The following SEMA6D variants were observed in gnomAD, a reference collection of about 807,000 sequenced individuals.
The protein encoded by SEMA6D is semaphorin 6D.
A neutral mutation model predicts 106.6 loss-of-function variants in SEMA6D; 35 were observed. That is an observed-to-expected ratio of 0.33 (90% CI 0.25 to 0.44). The LOEUF (loss-of-function observed/expected upper bound fraction) is 0.44, where lower values mean the gene tolerates loss of function less well. Ranked by LOEUF, SEMA6D falls within the 20% of genes least tolerant of loss-of-function variation. SEMA6D has a pLI of 1.00. For missense variants in SEMA6D, 1,185 were observed against 1,345.9 expected, an observed-to-expected ratio of 0.88 and a Z score of 1.87; for synonymous variants, 499 against 487.7, an observed-to-expected ratio of 1.02 and a Z score of -0.31.
intron 4 of SEMA6D, among the ~76,000 whole-genome samples, chr15:47,689,029 T>C (rs2078529549): frequency 6.6e-6 from 1 of 152,268 alleles, no homozygotes; most frequent in African/African-American, 2.4e-5. Flanking sequence ...GATTTAATAT[T>C]CCTCAAAGAT....
At chr15:47,337,931 C>A (rs141412937) in intron 1 of SEMA6D, among the ~76,000 whole-genome samples, 1 of 152,122 alleles carries the variant, frequency 6.6e-6, no homozygotes, top group Non-Finnish European at 1.5e-5. Flanking sequence ...TTTCCTTCCC[C>A]CAGAACTCCT....
chr15:47,311,383 T>A (rs372732957), intron 1 of SEMA6D, among the ~76,000 whole-genome samples: 6 of 152,258 alleles, frequency 3.9e-5, no homozygotes, highest in African/African-American at 1.4e-4. Flanking sequence ...TACCCTTATT[T>A]GTCAAGTGTT....
At chr15:47,647,749 C>G (rs1182376381) in intron 4 of SEMA6D, among the ~76,000 whole-genome samples, 1 of 150,028 alleles carries the variant, frequency 6.7e-6, no homozygotes, top group Non-Finnish European at 1.5e-5. Flanking sequence ...GCACTAACAG[C>G]CTTATTGGAA....
intron 1 of SEMA6D, among the ~76,000 whole-genome samples, chr15:47,720,364 G>C (rs2079355927): frequency 7.2e-6 from 1 of 139,824 alleles, no homozygotes; most frequent in Admixed American, 7.9e-5. Context: ...ACTTGAGTTT[G>C]ATTTAGATTT....
chr15:47,644,824 G>A (rs918323142), intron 4 of SEMA6D, among the ~76,000 whole-genome samples: 1 of 152,152 alleles, frequency 6.6e-6, no homozygotes, highest in African/African-American at 2.4e-5. Flanking sequence ...TTATACTGGC[G>A]GGTCTTAGAG....
In SEMA6D at chr15:47,297,787, G is replaced by A. The variant is rs537191812; in HGVS notation, c.-239+113369G>A. Among the ~76,000 whole-genome samples the A allele has an allele frequency of 7.0e-4, 107 of 152,270 alleles. 4 individuals are homozygous for A. In the South Asian group the frequency reaches 0.021, roughly 30 times the overall value. ...GTTCCTTTGTGTGATCAAGGGAGCT[G>A]CTCTATGAAGGGGTCATTTAAGGTG... On this transcript the variant is annotated intron_variant, in intron 1 of 19. Transcript: ENST00000558014.
chr15:47,193,341 ACACT>A (rs1305518470), intron 1 of SEMA6D, among the ~76,000 whole-genome samples: 2 of 152,222 alleles, frequency 1.3e-5, no homozygotes, highest in Non-Finnish European at 2.9e-5. Flanking sequence ...CACAGACATG[ACACT>A]CACAGGAAAT....
intron 1 of SEMA6D, among the ~76,000 whole-genome samples, chr15:47,254,875 T>TGTGTGTGTGTG (rs375376803): frequency 2.7e-4 from 36 of 134,306 alleles, no homozygotes; most frequent in Non-Finnish European, 5.1e-4. Flanking sequence ...ACCTGTGGTT[T>TGTGTGTGTGTG]TGTGTGTGTG....
intron 1 of SEMA6D, among the ~76,000 whole-genome samples, chr15:47,361,961 A>G (rs1273316312): frequency 6.6e-6 from 1 of 152,264 alleles, no homozygotes; most frequent in African/African-American, 2.4e-5. Flanking sequence ...TAATAGAATT[A>G]CCAAGATTTA....
chr15:47,744,432 C>G (rs2081000858), intron 1 of SEMA6D, among the ~76,000 whole-genome samples: 1 of 152,114 alleles, frequency 6.6e-6, no homozygotes, highest in Admixed American at 6.5e-5. Context: ...AACTGAGCTT[C>G]CCACAGCACA....
At chr15:47,413,815 C>T (rs1229351839) in intron 2 of SEMA6D, among the ~76,000 whole-genome samples, 3 of 152,118 alleles carry the variant, frequency 2.0e-5, no homozygotes, top group Admixed American at 6.6e-5. Flanking sequence ...TCTTAGTCCC[C>T]ATTTTCATGT....
chr15:47,696,180 A>C (rs1387435723), intron 4 of SEMA6D, among the ~76,000 whole-genome samples: 2 of 152,156 alleles, frequency 1.3e-5, no homozygotes, highest in Non-Finnish European at 1.5e-5. Flanking sequence ...TTAGGGACTG[A>C]AAAACTCGTT....
chr15:47,217,283 AT>A (rs764864442), intron 1 of SEMA6D, among the ~76,000 whole-genome samples: 1 of 152,180 alleles, frequency 6.6e-6, no homozygotes, highest in African/African-American at 2.4e-5. Flanking sequence ...ATTAATCAAT[AT>A]TTTAAATTTG....
chr15:47,204,307 T>G (rs932478535), intron 1 of SEMA6D, among the ~76,000 whole-genome samples: 6 of 152,186 alleles, frequency 3.9e-5, no homozygotes, highest in African/African-American at 1.4e-4. Flanking sequence ...AAATGTCTTC[T>G]GTCTCAAAAA....
At chr15:47,424,278 T>C (rs2041261892) in intron 2 of SEMA6D, among the ~76,000 whole-genome samples, 1 of 151,368 alleles carries the variant, frequency 6.6e-6, no homozygotes, top group African/African-American at 2.4e-5. Context: ...ATGTCTAACA[T>C]GGAAATTTAA....
At chr15:47,585,666 A>G (rs1488334517) in intron 3 of SEMA6D, among the ~76,000 whole-genome samples, 1 of 152,228 alleles carries the variant, frequency 6.6e-6, no homozygotes, top group Non-Finnish European at 1.5e-5. Context: ...TGCGAGGCCA[A>G]ACACATATTA....
intron 1 of SEMA6D, among the ~76,000 whole-genome samples, chr15:47,265,077 C>G (rs1336253422): frequency 6.6e-6 from 1 of 151,900 alleles, no homozygotes; most frequent in Non-Finnish European, 1.5e-5. Flanking sequence ...GTTTCCTTTT[C>G]TTGTGATGTC....
At chr15:47,632,536 A>C (rs2077311653) in intron 4 of SEMA6D, among the ~76,000 whole-genome samples, 1 of 151,980 alleles carries the variant, frequency 6.6e-6, no homozygotes, top group Non-Finnish European at 1.5e-5. Flanking sequence ...CTTTGTCTCT[A>C]GTAACATTTG....
intron 2 of SEMA6D, among the ~76,000 whole-genome samples, chr15:47,435,491 A>G (rs991111334): frequency 3.3e-5 from 5 of 152,062 alleles, no homozygotes; most frequent in Non-Finnish European, 7.4e-5. Flanking sequence ...TGGCAAGTCT[A>G]ATGACATGTG....
Sources: gnomAD v4.1 joint callset for allele counts (sites outside exome capture counted in the v4.1 genomes callset) on GRCh38, gnomAD v4.1.1 for gene constraint, MANE v1.5 for transcripts, NCBI Gene and HGNC (gene_info 2026-07-23, HGNC 2026-07-21) for gene names.